LARP1: variants seen among roughly 807,000 people sequenced by gnomAD.
The protein encoded by LARP1 is La ribonucleoprotein 1, translational regulator.
In LARP1, 36 loss-of-function variants were observed where a neutral mutation model predicts 122.7. The ratio of observed to expected loss-of-function variants is 0.29; its 90% CI spans 0.22 to 0.39. The LOEUF is 0.39. Ranked by LOEUF, LARP1 falls within the 10% of genes least tolerant of loss-of-function variation. The pLI is 1.00. For missense variants in LARP1, 1,040 were observed against 1,403.6 expected (o/e 0.74, Z 4.14); for synonymous variants, 539 against 528.7 (o/e 1.02, Z -0.27).
rs1239416152 is a variant in LARP1, at chr5:154,687,644, G to GGGC, written c.-180+4607_-180+4608insGGC. On this transcript the variant is annotated intron_variant, in intron 1 of 18. Coordinates refer to the LARP1 transcript ENST00000687700. ...GATCTGCCTGCATCGGCCTCCCAAA[G>GGGC]TGCTGGGATTACAGGCGTGAGCCAC... 2.5e-4 allele frequency among the ~76,000 whole-genome samples: 38 copies of GGGC among 152,324 alleles called. No individual in the cohort carries two copies. In the South Asian group the frequency reaches 7.7e-3, roughly 31 times the overall value.
chr5:154,756,221 T>G, intron 1 of LARP1, 28 bp downstream of exon 1: 1 of 1,209,254 alleles, frequency 8.3e-7, no homozygotes, highest in Non-Finnish European at 1.1e-6. Context: ...CCCTCCTGGG[T>G]CCGGGGGCCT....
At chr5:154,691,806 T>C (rs1754229908) in intron 1 of LARP1, among the ~76,000 whole-genome samples, 1 of 151,520 alleles carries the variant, frequency 6.6e-6, no homozygotes, top group African/African-American at 2.4e-5. Flanking sequence ...TCGTTCTTTT[T>C]TTTTTTTCTT....
chr5:154,687,281 G>T (rs918550830), intron 1 of LARP1, among the ~76,000 whole-genome samples: 7 of 152,190 alleles, frequency 4.6e-5, no homozygotes, highest in Non-Finnish European at 8.8e-5. Flanking sequence ...TAAAGATGAA[G>T]ATAATAATCT....
intron 1 of LARP1, among the ~76,000 whole-genome samples, chr5:154,717,732 A>G (rs1197132574): frequency 6.6e-6 from 1 of 152,104 alleles, no homozygotes; most frequent in Non-Finnish European, 1.5e-5. Flanking sequence ...GCCTCCACTC[A>G]TCTGTTCCAG....
chr5:154,759,861 A>G (rs891985590), intron 1 of LARP1, among the ~76,000 whole-genome samples: 3 of 152,196 alleles, frequency 2.0e-5, no homozygotes, highest in Admixed American at 6.6e-5. Context: ...GTTAGATGCT[A>G]TGGCCATCCG....
At chr5:154,710,521 A>T (rs990057420), upstream of LARP1, among the ~76,000 whole-genome samples, 1 of 152,090 alleles carries the variant, frequency 6.6e-6, no homozygotes, top group African/African-American at 2.4e-5. Context: ...ATGTGGGCAG[A>T]TCATGAGGTC....
At chr5:154,771,866 G>A (rs1371093243) in intron 1 of LARP1, among the ~76,000 whole-genome samples, 2 of 152,164 alleles carry the variant, frequency 1.3e-5, no homozygotes, top group African/African-American at 2.4e-5. Flanking sequence ...GGTTGGGGGT[G>A]GGGTTCTCTA....
intron 1 of LARP1, among the ~76,000 whole-genome samples, chr5:154,784,390 T>G (rs999542324): frequency 1.3e-5 from 2 of 152,112 alleles, no homozygotes; most frequent in Non-Finnish European, 2.9e-5. Context: ...AACGGCCAAG[T>G]GTATGGTAGC....
chr5:154,790,757 C>T (rs760484592), intron 3 of LARP1, 47 bp downstream of exon 3: 5 of 1,522,844 alleles, frequency 3.3e-6, no homozygotes, highest in South Asian at 1.1e-5. Context: ...TCTTGACATA[C>T]ACACATTTAG....
intron 1 of LARP1, among the ~76,000 whole-genome samples, chr5:154,705,984 T>C (rs926967959): frequency 6.6e-6 from 1 of 151,894 alleles, no homozygotes; most frequent in African/African-American, 2.4e-5. Context: ...CCACCAACGG[T>C]GGACTGGATA....
At chr5:154,764,410 C>G (rs1406609867) in intron 1 of LARP1, among the ~76,000 whole-genome samples, 1 of 150,822 alleles carries the variant, frequency 6.6e-6, no homozygotes, top group African/African-American at 2.4e-5. Context: ...TCAAGACCAG[C>G]CTGGGCAACA....
chr5:154,745,177 C>T (rs1037495449), intron 1 of LARP1, among the ~76,000 whole-genome samples: 22 of 152,038 alleles, frequency 1.4e-4, no homozygotes, highest in Admixed American at 6.6e-5. Flanking sequence ...CCGCCCGCCT[C>T]GGCCTCCCAA....
At chr5:154,727,648 T>C (rs889624178) in intron 1 of LARP1, among the ~76,000 whole-genome samples, 2 of 152,226 alleles carry the variant, frequency 1.3e-5, no homozygotes, top group African/African-American at 4.8e-5. Flanking sequence ...GTGAATGTTG[T>C]GTTCTCACAA....
rs1473202231 is a variant in LARP1 at position 154,794,127 on chromosome 5, G to A, written c.1097G>A (p.Arg366Gln). ...CATTTTGACTACCAGTTTGGCTACC[G>A]AAAGTTTGATGGTGTGGAGGGGCCT... ...RTHFDYQFGY[R>Q]KFDGVEGPRT... The change falls in exon 7 of 19, where the codon CGA becomes CAA. Residue 366 changes from arginine to glutamine, a missense_variant. Around this residue, in one of 8 missense-constraint regions of LARP1, gnomAD observed 178 missense variants for 178.3 expected, o/e 1.00. Coordinates refer to ENST00000518297, the MANE Select transcript of LARP1 (RefSeq NM_033551.3). The A allele has an allele frequency of 8.1e-6, 13 of 1,614,046 alleles. No homozygotes were observed. The highest frequency in any genetic ancestry group is 1.1e-5 in the South Asian group (1 of 91,084).
chr5:154,705,023 A>G (rs1754883495), intron 1 of LARP1, among the ~76,000 whole-genome samples: 1 of 151,344 alleles, frequency 6.6e-6, no homozygotes, highest in African/African-American at 2.4e-5. Context: ...GAGGCTGAGG[A>G]AGGAGAATTA....
Position 154,816,688 on chromosome 5 carries a change from A to G in LARP1, c.*2592A>G, listed in dbSNP as rs2113094302. 6.5e-6 allele frequency: 1 copy of G among 152,740 alleles called. No individual in the cohort carries two copies. The highest frequency in any genetic ancestry group is 6.5e-5 in the Admixed American group (1 of 15,312). The allele number at this position is 152,740 out of a possible 1,614,324, so 9.5% of individuals were successfully genotyped here. A position where few individuals can be genotyped will look rare whatever the true frequency, so the allele number is the denominator to read the frequency against. On this transcript the variant is annotated 3_prime_UTR_variant, in exon 19 of 19. Coordinates refer to ENST00000518297, the MANE Select transcript of LARP1 (RefSeq NM_033551.3). ...GAAGTGGCAGGGGCCATCAGGGCTA[A>G]CCACTTCACACCTACCATCGTCCCA...
At position 154,802,384 on chromosome 5, in the gene LARP1, G is replaced by A. The variant is rs144020195; in HGVS notation, c.2094G>A (p.Glu698=). 12 of 1,603,296 alleles carry A rather than the reference G, an allele frequency of 7.5e-6. No individual in the cohort carries two copies. The African/African-American group carries it at 1.5e-4, about 20-fold the overall frequency. The change falls in exon 11 of 19, where the codon GAG becomes GAA. Residue 698 remains glutamate (E), a synonymous_variant. Transcript: ENST00000518297. This position sits in a 1 kb window ranked among gnomAD's most constrained non-coding sequence, Gnocchi z 5.1. The part of the protein sequence containing the change: ...QDLWAEKFEP[E]YSQIKQEVEN... ...TGTGGGCTGAAAAGTTTGAACCTGAGTATTCCCAGATCAAGGTGAGGCTTG... is the reference window on the plus strand; with the variant it reads ...TGTGGGCTGAAAAGTTTGAACCTGAATATTCCCAGATCAAGGTGAGGCTTG...
At chr5:154,751,635 G>A (rs2113514607), upstream of LARP1, among the ~76,000 whole-genome samples, 1 of 152,238 alleles carries the variant, frequency 6.6e-6, no homozygotes, top group Non-Finnish European at 1.5e-5. Flanking sequence ...AGTTACCTGT[G>A]GCCAACTGTG....
At chr5:154,757,854 CT>C (rs1298985591) in intron 1 of LARP1, among the ~76,000 whole-genome samples, 5 of 53,800 alleles carry the variant, frequency 9.3e-5, no homozygotes, top group Admixed American at 2.4e-4. Flanking sequence ...CCCTTCCCCC[CT>C]GCTCCCCTTC....
Sources: gnomAD v4.1 joint callset for allele counts (sites outside exome capture counted in the v4.1 genomes callset) on GRCh38, gnomAD v4.1.1 for gene constraint, gnomAD v4.1.1 regional missense constraint, Gnocchi (gnomAD v3.1) non-coding constraint, MANE v1.5 for transcripts, NCBI Gene and HGNC (gene_info 2026-07-23, HGNC 2026-07-21) for gene names.